The following DNAH3 variants were observed in gnomAD, a reference collection of about 807,000 sequenced individuals.
DNAH3 encodes the protein dynein axonemal heavy chain 3.
DNAH3 carries 332 observed loss-of-function variants against 432.5 expected under a neutral mutation model. The ratio of observed to expected loss-of-function variants is 0.77; its 90% CI spans 0.70 to 0.84. The LOEUF is 0.84. Among genes scored for constraint, DNAH3 ranks in the 40% least tolerant of loss-of-function variants. The probability of loss-of-function intolerance (pLI) is 0.00; values close to 1 mark genes in which losing one functional copy is unlikely to be tolerated. For missense variants in DNAH3, 4,861 were observed against 5,114.0 expected (o/e 0.95, Z 1.51); for synonymous variants, 1,956 against 1,900.2 (o/e 1.03, Z -0.76).
At chr16:21,121,819 T>C in intron 10 of DNAH3, 126 bp downstream of exon 11, 4 of 690,478 alleles carry the variant, frequency 5.8e-6, no homozygotes, top group Non-Finnish European at 9.4e-6. Flanking sequence ...ATATTCAGGA[T>C]ATATCTCCAA....
chr16:21,078,204 G>A (rs1440046178), intron 20 of DNAH3, among the ~76,000 whole-genome samples: 1 of 150,720 alleles, frequency 6.6e-6, no homozygotes, highest in Non-Finnish European at 1.5e-5. Context: ...GAACCCGGGA[G>A]GTGAAGGTTG....
At chr16:20,963,184 G>A (rs2084900719) in intron 53 of DNAH3, 100 bp downstream of exon 53, 6 of 1,207,032 alleles carry the variant, frequency 5.0e-6, no homozygotes, top group African/African-American at 1.5e-5. Context: ...GGCCTTCAAA[G>A]CCATCTGAAC....
intron 11 of DNAH3, among the ~76,000 whole-genome samples, chr16:21,120,075 A>G (rs1327766011): frequency 6.6e-6 from 1 of 150,926 alleles, no homozygotes; most frequent in Admixed American, 6.6e-5. Context: ...TTCTATTTTC[A>G]AAAGTCTCTT....
chr16:21,145,473 C>A, intron 2 of DNAH3, 67 bp from the exon 4 acceptor site: 1 of 1,377,434 alleles, frequency 7.3e-7, no homozygotes, highest in South Asian at 1.2e-5. Flanking sequence ...GAGCTCTGCT[C>A]ACACTGAGGC....
At chr16:21,106,050 C>T (rs949537094) in intron 15 of DNAH3, among the ~76,000 whole-genome samples, 3 of 151,826 alleles carry the variant, frequency 2.0e-5, no homozygotes, top group East Asian at 1.9e-4. Flanking sequence ...CATGGTGGCA[C>T]GTGCCTGTAG....
exon 48 of DNAH3, chr16:20,985,464 G>C: frequency 6.2e-7 from 1 of 1,614,180 alleles, no homozygotes; most frequent in African/African-American, 1.3e-5. Flanking sequence ...GGTGGCCTTT[G>C]TCCTGCTTCA....
intron 12 of DNAH3, among the ~76,000 whole-genome samples, chr16:21,116,686 G>A (rs2152808144): frequency 6.6e-6 from 1 of 152,276 alleles, no homozygotes; most frequent in East Asian, 1.9e-4. Flanking sequence ...CATGGCCTGT[G>A]GGTTCAGATA....
intron 10 of DNAH3, chr16:21,121,057 A>G: frequency 1.5e-6 from 1 of 679,970 alleles, no homozygotes; most frequent in South Asian, 1.5e-5. Flanking sequence ...ACTCCTGGGC[A>G]TTCGTTTCAC....
chr16:20,971,858 A>C (rs1306143057), intron 51 of DNAH3, among the ~76,000 whole-genome samples: 1 of 152,228 alleles, frequency 6.6e-6, no homozygotes, highest in Non-Finnish European at 1.5e-5. Context: ...GCAGTTTTGA[A>C]GAATCACTAA....
At chr16:21,062,987 T>C (rs2090416083) in intron 24 of DNAH3, 2 of 282,028 alleles carry the variant, frequency 7.1e-6, no homozygotes, top group African/African-American at 2.2e-5. Flanking sequence ...TGCACCCAGC[T>C]TGGAGATGGT....
chr16:21,123,283 C>T (rs1296305944), intron 9 of DNAH3, among the ~76,000 whole-genome samples: 1 of 152,122 alleles, frequency 6.6e-6, no homozygotes, highest in African/African-American at 2.4e-5. Flanking sequence ...AACTACAGCG[C>T]CTAATGAAAT....
At chr16:21,142,486 T>C (rs1046623796) in intron 3 of DNAH3, among the ~76,000 whole-genome samples, 2 of 152,186 alleles carry the variant, frequency 1.3e-5, no homozygotes, top group Admixed American at 1.3e-4. Context: ...TACATATTTA[T>C]TGCAAGTAGA....
intron 11 of DNAH3, among the ~76,000 whole-genome samples, chr16:21,119,510 A>T (rs1317247207): frequency 6.6e-6 from 1 of 151,722 alleles, no homozygotes; most frequent in Admixed American, 6.6e-5. Flanking sequence ...CACACCTGTT[A>T]TCCCAGCTAC....
chr16:21,087,006 C>G, exon 19 of DNAH3: 1 of 1,614,172 alleles, frequency 6.2e-7, no homozygotes, highest in Non-Finnish European at 8.5e-7. Context: ...CGTTGTCCTC[C>G]ACATATTCCC....
chr16:21,027,048 G>A (rs774776425), exon 38 of DNAH3: 4 of 1,613,552 alleles, frequency 2.5e-6, no homozygotes, highest in Admixed American at 1.7e-5. Context: ...GGCTGGAGAG[G>A]CTTGCTCGAG....
intron 50 of DNAH3, among the ~76,000 whole-genome samples, chr16:20,978,389 C>A (rs950991329): frequency 6.6e-6 from 1 of 152,078 alleles, no homozygotes; most frequent in Non-Finnish European, 1.5e-5. Context: ...ATTAGCTGGG[C>A]GTGGTGGCAC....
chr16:21,145,899 A>T (rs1460524539), intron 2 of DNAH3, 85 bp downstream of exon 3: 2 of 898,708 alleles, frequency 2.2e-6, no homozygotes, highest in Admixed American at 1.8e-5. Flanking sequence ...ACCCTCATTG[A>T]GTACCTGCCA....
At position 20,984,483 on chromosome 16, in the gene DNAH3, A is replaced by G. The variant is rs73534338; in HGVS notation, c.7665+594T>C. Among the ~76,000 whole-genome samples the G allele has an allele frequency of 2.0e-3, 310 of 152,318 alleles. 2 individuals carry two copies. The highest frequency in any genetic ancestry group is 6.8e-3 in the African/African-American group (281 of 41,572). ...ATTGCTAGGTTTCTAGATACATTGG[A>G]AATGTCGTTCACAGAGAAAACCCGA... On this transcript the variant is annotated intron_variant, in intron 48 of 61. Coordinates refer to ENST00000261383, the Ensembl canonical transcript of DNAH3.
At chr16:20,946,119 T>A (rs1032674245) in intron 57 of DNAH3, among the ~76,000 whole-genome samples, 2 of 152,142 alleles carry the variant, frequency 1.3e-5, no homozygotes, top group Non-Finnish European at 2.9e-5. Context: ...CAGACATGCC[T>A]CATTATGCCC....
Sources: gnomAD v4.1 joint callset for allele counts (sites outside exome capture counted in the v4.1 genomes callset) on GRCh38, gnomAD v4.1.1 for gene constraint, MANE v1.5 for transcripts, NCBI Gene and HGNC (gene_info 2026-07-23, HGNC 2026-07-21) for gene names.